Variants in ZNF507 observed in about 807,000 individuals in gnomAD.
ZNF507 encodes the protein zinc finger protein 507.
Under a neutral mutation model 80.0 loss-of-function variants are expected in ZNF507, and 29 were observed. That is an observed-to-expected ratio of 0.36 (90% CI 0.27 to 0.49). The LOEUF (loss-of-function observed/expected upper bound fraction) is 0.49, where lower values mean the gene tolerates loss of function less well. Ranked by LOEUF, ZNF507 falls within the 20% of genes least tolerant of loss-of-function variation. The probability of loss-of-function intolerance (pLI) is 0.98; values close to 1 mark genes in which losing one functional copy is unlikely to be tolerated. For missense variants in ZNF507, 1,081 were observed against 1,152.2 expected (o/e 0.94, Z 0.90); for synonymous variants, 462 against 422.5 (o/e 1.09, Z -1.15).
Position 32,353,771 on chromosome 19 carries a change from T to C in ZNF507, c.941T>C (p.Leu314Pro), listed in dbSNP as rs369089049. ...GTCATTGCTATTGGAGAGAGTGAAC[T>C]GAGTATCCACAATGGGCCATCAGTG... ...AVVIAIGESE[L>P]SIHNGPSVQV... The change falls in exon 3 of 7, where the codon CTG becomes CCG. Residue 314 changes from leucine (L) to proline (P), a missense_variant. Leu to Pro is a moderately conservative substitution (Grantham distance 98). This residue lies in a region of ZNF507 where 614 missense variants were observed against 583.9 expected (regional missense o/e 1.05). Transcript: ENST00000355898. The C allele has an allele frequency of 1.9e-6, 3 of 1,614,202 alleles. No homozygotes were observed. The highest frequency in any genetic ancestry group is 2.5e-6 in the Non-Finnish European group (3 of 1,180,030).
At chr19:32,378,876 G>A (rs1659604859) in intron 5 of ZNF507, among the ~76,000 whole-genome samples, 1 of 152,176 alleles carries the variant, frequency 6.6e-6, no homozygotes. Context: ...ACATCTGAAT[G>A]AAAGTGAGGA....
Position 32,352,958 on chromosome 19 carries a change from C to T in ZNF507, c.128C>T (p.Pro43Leu). ...GAACAAAGAAAAACTAAACCAGATC[C>T]ATTAATCCATGTTATCCAGAAGTTA... ...IDEQRKTKPD[P>L]LIHVIQKLSK... The change falls in exon 3 of 7, where the codon CCA becomes CTA. Residue 43 changes from proline (P) to leucine (L), a missense_variant. Physicochemically the swap from Pro to Leu is moderately conservative, Grantham distance 98. Transcript: ENST00000355898. 1 of 1,614,096 alleles carries T rather than the reference C, an allele frequency of 6.2e-7. No homozygotes were observed. Among genetic ancestry groups the T allele is most frequent in the Non-Finnish European group, 8.5e-7 (1 of 1,180,032 alleles).
rs1967661886 is a variant in ZNF507 at position 32,384,363 on chromosome 19, A to C, written c.*1280A>C. 1 of 152,218 alleles carries C rather than the reference A, an allele frequency of 6.6e-6. No homozygotes were observed. The highest frequency in any genetic ancestry group is 1.5e-5 in the Non-Finnish European group (1 of 68,040). The allele number at this position is 152,218 out of a possible 1,614,324, so 9.4% of individuals were successfully genotyped here. A position where few individuals can be genotyped will look rare whatever the true frequency, so the allele number is the denominator to read the frequency against. The stretch of plus-strand genomic sequence containing the variant: ...ACACATTTTGTATTTTAATTATTTC[A>C]AGGAGTGAAGAAAACAGGGTGTTTT... On this transcript the variant is annotated 3_prime_UTR_variant, in exon 7 of 7. Transcript: ENST00000355898.
chr19:32,371,076 A>G (rs981808320), intron 5 of ZNF507, among the ~76,000 whole-genome samples: 3 of 152,172 alleles, frequency 2.0e-5, no homozygotes, highest in Non-Finnish European at 2.9e-5. Flanking sequence ...ATTCTGTTCC[A>G]TGGATCTGCA....
At chr19:32,374,169 A>AAC (rs56820529) in intron 5 of ZNF507, among the ~76,000 whole-genome samples, 342 of 149,882 alleles carry the variant, frequency 2.3e-3, no homozygotes, top group East Asian at 6.9e-3. Context: ...CAAAGCAAGG[A>AAC]ACACACACAC....
chr19:32,352,445 C>G (rs1374714272), intron 2 of ZNF507, among the ~76,000 whole-genome samples: 1 of 150,404 alleles, frequency 6.6e-6, no homozygotes, highest in East Asian at 1.9e-4. Flanking sequence ...TTGAGAATGG[C>G]TGTGCTCCTT....
In ZNF507 at chr19:32,352,955, A is replaced by T; in HGVS notation, c.125A>T (p.Asp42Val). Residue 42 changes from aspartate to valine, a missense_variant, in exon 3 of 7, where the codon GAT (aspartate) becomes GTT (valine). This residue lies in a region of ZNF507 where 275 missense variants were observed against 303.9 expected (regional missense o/e 0.90). Transcript: ENST00000355898. ...EIDEQRKTKP[D>V]PLIHVIQKLS... is the part of the protein sequence containing the mutation. ...GATGAACAAAGAAAAACTAAACCAG[A>T]TCCATTAATCCATGTTATCCAGAAG... The T allele has an allele frequency of 6.2e-7, 1 of 1,614,198 alleles. No homozygotes were observed. Among genetic ancestry groups the T allele is most frequent in the Non-Finnish European group, 8.5e-7 (1 of 1,180,050 alleles).
At chr19:32,364,246 A>G (rs566956942) in intron 5 of ZNF507, among the ~76,000 whole-genome samples, 1 of 152,356 alleles carries the variant, frequency 6.6e-6, no homozygotes, top group South Asian at 2.1e-4. Flanking sequence ...CCCAGTGCCT[A>G]CCAATGCAGC....
At chr19:32,351,418 G>GGTGTGT (rs1568301845) in intron 2 of ZNF507, among the ~76,000 whole-genome samples, 10 of 48,854 alleles carry the variant, frequency 2.0e-4, no homozygotes, top group African/African-American at 5.9e-4. Context: ...AAGCTGGTCA[G>GGTGTGT]CTGTGTGTGT....
At chr19:32,356,557 C>G in intron 3 of ZNF507, 59 bp from the exon 4 acceptor site, 2 of 1,221,052 alleles carry the variant, frequency 1.6e-6, no homozygotes, top group South Asian at 1.3e-5. Flanking sequence ...CTTCTACAGC[C>G]TCCTAAGAGT....
At chr19:32,351,154 A>G (rs1449427272) in intron 2 of ZNF507, among the ~76,000 whole-genome samples, 5 of 152,160 alleles carry the variant, frequency 3.3e-5, no homozygotes, top group Non-Finnish European at 5.9e-5. Flanking sequence ...GGTAGCTGTC[A>G]TTGTTGGAAT....
chr19:32,382,277 G>T, intron 5 of ZNF507, 190 bp from the exon 6 acceptor site: 1 of 563,720 alleles, frequency 1.8e-6, no homozygotes, highest in Non-Finnish European at 3.0e-6. Context: ...ATTGATTCTA[G>T]GACTTCCATT....
intron 5 of ZNF507, among the ~76,000 whole-genome samples, chr19:32,370,792 C>G (rs2145334810): frequency 6.6e-6 from 1 of 152,148 alleles, no homozygotes; most frequent in East Asian, 1.9e-4. Flanking sequence ...GGTATCATAA[C>G]CAAAAAATCA....
intron 5 of ZNF507, among the ~76,000 whole-genome samples, chr19:32,381,772 G>T (rs1260395792): frequency 6.6e-6 from 1 of 152,140 alleles, no homozygotes; most frequent in Non-Finnish European, 1.5e-5. Context: ...GAGGAATTGG[G>T]TGCAGGGGAG....
At chr19:32,356,944 G>A in intron 4 of ZNF507, 1 of 479,874 alleles carries the variant, frequency 2.1e-6, no homozygotes, top group Non-Finnish European at 3.7e-6. Context: ...AGAAGCCCTA[G>A]ATAGTAAGGA....
intron 5 of ZNF507, among the ~76,000 whole-genome samples, chr19:32,374,395 A>G (rs1162395198): frequency 1.3e-5 from 2 of 150,270 alleles, no homozygotes; most frequent in Admixed American, 6.6e-5. Flanking sequence ...TTAATTTTCT[A>G]TTGGATTGTT....
At chr19:32,371,294 G>A (rs1282841989) in intron 5 of ZNF507, among the ~76,000 whole-genome samples, 5 of 151,966 alleles carry the variant, frequency 3.3e-5, no homozygotes. Flanking sequence ...GACCAACATG[G>A]AGAAATCCTG....
At chr19:32,372,235 T>A (rs980800906) in intron 5 of ZNF507, among the ~76,000 whole-genome samples, 2 of 152,182 alleles carry the variant, frequency 1.3e-5, no homozygotes, top group Non-Finnish European at 2.9e-5. Context: ...GATCTACATA[T>A]GTACATTAAA....
chr19:32,382,354 T>C, intron 5 of ZNF507, 113 bp from the exon 6 acceptor site: 7 of 1,289,380 alleles, frequency 5.4e-6, no homozygotes, highest in Non-Finnish European at 7.6e-6. Flanking sequence ...TGAAATACGA[T>C]ATGTCTAATA....
Sources: allele counts gnomAD v4.1 joint callset (sites outside exome capture counted in the v4.1 genomes callset), GRCh38; gene constraint gnomAD v4.1.1; regional missense constraint gnomAD v4.1.1; transcripts MANE v1.5; gene names NCBI Gene and HGNC (gene_info 2026-07-23, HGNC 2026-07-21).